The following CPEB2 variants were observed in gnomAD, a reference collection of about 807,000 sequenced individuals.
CPEB2 encodes cytoplasmic polyadenylation element-binding protein 2.
A neutral mutation model predicts 93.6 loss-of-function variants in CPEB2; 56 were observed. That is an observed-to-expected ratio of 0.60 (90% CI 0.48 to 0.75). The LOEUF is 0.75. Ranked by LOEUF, CPEB2 falls within the 30% of genes least tolerant of loss-of-function variation. The pLI, the probability that CPEB2 is intolerant of heterozygous loss-of-function variation, is 0.00. For synonymous variants in CPEB2, 764 were observed against 586.3 expected (o/e 1.30, Z -4.38); for missense variants, 1,579 against 1,395.1 (o/e 1.13, Z -2.10).
Position 15,058,475 on chromosome 4 carries a change from C to T in CPEB2, c.2516C>T (p.Ala839Val), listed in dbSNP as rs1728909396. Residue 839 changes from alanine to valine, a missense_variant, in exon 9 of 12, where the codon GCT (alanine) becomes GTT (valine). Ala to Val is a moderately conservative substitution (Grantham distance 64). Transcript: ENST00000538197. ...AGCTCAGTTCAGGCACTCATTGATG[C>T]TTGTATTGAAGAAGATGGAAAACTC... is the stretch of plus-strand genomic sequence containing the variant. ...EESSVQALID[A>V]CIEEDGKLYL... 1.2e-6 allele frequency: 2 copies of T among 1,612,806 alleles called. No individual in the cohort carries two copies. Among genetic ancestry groups the T allele is most frequent in the Non-Finnish European group, 1.7e-6 (2 of 1,179,150 alleles).
rs1729258552 is a variant in CPEB2, at chr4:15,062,270, A to G, written c.2877+10A>G. On this transcript the variant is annotated intron_variant, in intron 11 of 11. Coordinates refer to ENST00000538197, the MANE Select transcript of CPEB2 (RefSeq NM_001177382.2). The stretch of plus-strand genomic sequence containing the variant: ...TGATATTGATAAACGTGTAAGTTGC[A>G]TATTGGGAAATCACTTATGTCCTAT... 4 of 1,595,914 alleles carry G rather than the reference A, an allele frequency of 2.5e-6. No homozygotes were observed. In the Admixed American group the frequency reaches 6.8e-5, roughly 27 times the overall value.
intron 4 of CPEB2, among the ~76,000 whole-genome samples, chr4:15,027,669 A>G (rs1332076659): frequency 6.6e-6 from 1 of 152,220 alleles, no homozygotes; most frequent in Non-Finnish European, 1.5e-5. Context: ...AGTTGGGGCA[A>G]TGCTTTATTT....
At chr4:15,034,059 A>G (rs1179207801) in intron 5 of CPEB2, among the ~76,000 whole-genome samples, 1 of 152,194 alleles carries the variant, frequency 6.6e-6, no homozygotes, top group Non-Finnish European at 1.5e-5. Context: ...ACTAATATTA[A>G]GACAGAAGGA....
chr4:15,055,103 T>C (rs1728588147), intron 8 of CPEB2, among the ~76,000 whole-genome samples: 1 of 152,216 alleles, frequency 6.6e-6, no homozygotes, highest in Non-Finnish European at 1.5e-5. Context: ...TACAGGTTTC[T>C]GGTGATGAAT....
chr4:15,024,990 C>G (rs1725286114), intron 4 of CPEB2, among the ~76,000 whole-genome samples: 1 of 152,120 alleles, frequency 6.6e-6, no homozygotes, highest in Admixed American at 6.5e-5. Flanking sequence ...TGTGATCTGC[C>G]CGCTTCAGCC....
chr4:15,020,414 G>A (rs1724677949), intron 4 of CPEB2, among the ~76,000 whole-genome samples: 2 of 152,094 alleles, frequency 1.3e-5, no homozygotes, highest in South Asian at 2.1e-4. Flanking sequence ...CAGTCAAGCA[G>A]ATAGATCTCT....
Position 15,026,251 on chromosome 4 carries a change from G to T in CPEB2, c.2126-6910G>T, listed in dbSNP as rs186232238. Reference sequence around the variant, plus strand: ...GTTTTTGTTTTTGTTTTTTGAGATGGAGTCTTGCTCTGTCACCCAGGCTGG... The same window carrying T: ...GTTTTTGTTTTTGTTTTTTGAGATGTAGTCTTGCTCTGTCACCCAGGCTGG... On this transcript the variant is annotated intron_variant, in intron 4 of 11. Coordinates refer to ENST00000538197, the MANE Select transcript of CPEB2 (RefSeq NM_001177382.2). Among the ~76,000 whole-genome samples the T allele has an allele frequency of 5.9e-3, 893 of 150,604 alleles. 6 individuals are homozygous for T. Among genetic ancestry groups the T allele is most frequent in the Non-Finnish European group, 9.2e-3 (623 of 67,676 alleles).
chr4:15,065,729 A>G (rs867924169), intron 11 of CPEB2, among the ~76,000 whole-genome samples: 1 of 152,150 alleles, frequency 6.6e-6, no homozygotes, highest in Middle Eastern at 3.4e-3. Context: ...AGTTATTTCC[A>G]AGCAGAGTGT....
At chr4:15,019,235 T>C (rs1724549267) in intron 4 of CPEB2, among the ~76,000 whole-genome samples, 1 of 151,440 alleles carries the variant, frequency 6.6e-6, no homozygotes, top group Non-Finnish European at 1.5e-5. Flanking sequence ...AATAAAAAAA[T>C]AAGACTGATA....
chr4:15,064,850 T>A (rs764337793), intron 11 of CPEB2, among the ~76,000 whole-genome samples: 2 of 152,030 alleles, frequency 1.3e-5, no homozygotes, highest in Non-Finnish European at 2.9e-5. Context: ...AAATTAAGCA[T>A]AACAATTTTA....
In CPEB2 at chr4:15,054,335, C is replaced by A. The variant is rs181966524; in HGVS notation, c.2461+118C>A. On this transcript the variant is annotated intron_variant, in intron 8 of 11. Transcript: ENST00000538197. ...GAGACTTGCTATGATTTGATAATTTCATAGACTCAGATCAACAAATGTTTG... is the reference window on the plus strand; with the variant it reads ...GAGACTTGCTATGATTTGATAATTTAATAGACTCAGATCAACAAATGTTTG... The A allele has an allele frequency of 1.1e-5, 8 of 734,018 alleles. No individual in the cohort carries two copies. In the East Asian group the frequency reaches 2.1e-4, roughly 19 times the overall value. 45.5% of individuals were successfully genotyped at this position (734,018 alleles called of 1,614,324 possible).
intron 4 of CPEB2, among the ~76,000 whole-genome samples, chr4:15,026,853 C>T (rs1025702646): frequency 1.3e-5 from 2 of 152,120 alleles, no homozygotes; most frequent in Non-Finnish European, 2.9e-5. Flanking sequence ...TGTTTATTTT[C>T]ATAGCACAAA....
intron 4 of CPEB2, among the ~76,000 whole-genome samples, chr4:15,028,678 A>G (rs1488795311): frequency 6.6e-6 from 1 of 152,050 alleles, no homozygotes; most frequent in Non-Finnish European, 1.5e-5. Context: ...TATCTCTTAA[A>G]GACCTGAATG....
rs1728491908 is a variant in CPEB2, at chr4:15,054,018, T to C, written c.2372-110T>C. On this transcript the variant is annotated intron_variant, in intron 7 of 11. Coordinates refer to ENST00000538197, the MANE Select transcript of CPEB2 (RefSeq NM_001177382.2). ...CCCAGTGTTTATATTCTAATTTATC[T>C]TAAGGTATTTGGCACTTTTAAATGT... 9.4e-6 allele frequency: 6 copies of C among 637,594 alleles called. No individual in the cohort carries two copies. In the Admixed American group the frequency reaches 1.2e-4, roughly 13 times the overall value. The allele number at this position is 637,594 out of a possible 1,614,324, so 39.5% of individuals were successfully genotyped here.
intron 4 of CPEB2, among the ~76,000 whole-genome samples, chr4:15,029,506 A>G (rs553465736): frequency 7.8e-4 from 118 of 152,172 alleles, no homozygotes; most frequent in African/African-American, 2.7e-3. Flanking sequence ...GAGCTAGTGT[A>G]TACTCTTTAT....
chr4:15,002,834 C>G lies in CPEB2; in HGVS notation c.161C>G (p.Pro54Arg), dbSNP rs1414162025. 2.6e-6 allele frequency: 4 copies of G among 1,535,242 alleles called. No homozygotes were observed. In the African/African-American group the frequency reaches 4.1e-5, roughly 16 times the overall value. ...PFGPLSPPPLPVTGFLEAASP... is the reference protein window; with the variant it reads ...PFGPLSPPPLRVTGFLEAASP... ...GGCCCACTGTCGCCACCACCGTTGC[C>G]TGTCACCGGCTTCTTAGAGGCCGCC... Residue 54 changes from proline (P) to arginine (R), a missense_variant, in exon 1 of 12, where the codon CCT becomes CGT. This residue lies in a region of CPEB2 where 1,411 missense variants were observed against 1,056.0 expected (regional missense o/e 1.34). Transcript: ENST00000538197.
rs371461208 is a variant in CPEB2, at chr4:15,007,389, A to G, written c.1747A>G (p.Arg583Gly). Residue 583 changes from arginine (R) to glycine (G), a missense_variant, in exon 2 of 12, where the codon AGA (arginine) becomes GGA (glycine). Around this residue, in one of 2 missense-constraint regions of CPEB2, gnomAD observed 1,411 missense variants for 1,056.0 expected, o/e 1.34. Coordinates refer to ENST00000538197, the MANE Select transcript of CPEB2 (RefSeq NM_001177382.2). ...TATGTCCTGGGGAGCAATGCATGGC[A>G]GAGATCATCGTAGAACCGGAAACAT... ...GSMSWGAMHG[R>G]DHRRTGNMGI... is the part of the protein sequence containing the mutation. The G allele has an allele frequency of 1.2e-6, 2 of 1,613,798 alleles. No individual in the cohort carries two copies. Among genetic ancestry groups the G allele is most frequent in the Non-Finnish European group, 1.7e-6 (2 of 1,179,810 alleles).
chr4:15,021,411 T>A (rs964244204), intron 4 of CPEB2, among the ~76,000 whole-genome samples: 5 of 152,206 alleles, frequency 3.3e-5, no homozygotes, highest in African/African-American at 1.2e-4. Context: ...TGTGATTTTT[T>A]AATATATGTG....
rs1014179956 is a variant in CPEB2, at chr4:15,007,212, C to T, written c.1663-93C>T. On this transcript the variant is annotated intron_variant, in intron 1 of 11. Transcript: ENST00000538197. The stretch of plus-strand genomic sequence containing the variant: ...TGTATTCTTTTGCCTTTATATATTT[C>T]ATTCATATAAATTCTTAGGTCTGAA... 7.6e-6 allele frequency: 8 copies of T among 1,051,054 alleles called. No individual in the cohort carries two copies. The South Asian group carries it at 1.5e-4, about 19-fold the overall frequency. The allele number at this position is 1,051,054 out of a possible 1,614,324, so 65.1% of individuals were successfully genotyped here.
Sources: allele counts gnomAD v4.1 joint callset (sites outside exome capture counted in the v4.1 genomes callset), GRCh38; gene constraint gnomAD v4.1.1; regional missense constraint gnomAD v4.1.1; transcripts MANE v1.5; gene names NCBI Gene and HGNC (gene_info 2026-07-23, HGNC 2026-07-21).